The following LRP1B variants were observed in gnomAD, a reference collection of about 807,000 sequenced individuals.
LRP1B encodes low-density lipoprotein receptor-related protein 1B.
Under a neutral mutation model 556.6 loss-of-function variants are expected in LRP1B, and 217 were observed. The observed-to-expected ratio is 0.39, with a 90% CI of 0.35 to 0.44. LRP1B has a LOEUF of 0.44. LRP1B is among the 20% of genes least tolerant of loss of function. The pLI is 1.00. For synonymous variants in LRP1B, 2,047 were observed against 1,865.8 expected, an observed-to-expected ratio of 1.10 and a Z score of -2.50; for missense variants, 5,053 against 5,620.8, an observed-to-expected ratio of 0.90 and a Z score of 3.23.
At chr2:140,519,612 G>A (rs1180723922) in intron 49 of LRP1B, among the ~76,000 whole-genome samples, 2 of 152,040 alleles carry the variant, frequency 1.3e-5, no homozygotes, top group East Asian at 1.9e-4. Flanking sequence ...TAGACAAATG[G>A]GATCTAATAA....
At position 140,252,062 on chromosome 2, in the gene LRP1B, C is replaced by CAAAAAAAAAAAAAAAAAAAA; in HGVS notation, c.13248-4920_13248-4901dup. ...TTGCAGATAGTAGCATGACAAGATG[C>CAAAAAAAAAAAAAAAAAAAA]AAAAAAAAAAAAAAAAAAAAAAAAA... On this transcript the variant is annotated intron_variant, in intron 86 of 90. Transcript: ENST00000389484. Among the ~76,000 whole-genome samples, 29 of 18,550 alleles carry CAAAAAAAAAAAAAAAAAAAA rather than the reference C, an allele frequency of 1.6e-3. 1 individual carries two copies. Among genetic ancestry groups the CAAAAAAAAAAAAAAAAAAAA allele is most frequent in the Admixed American group, 6.3e-3 (6 of 954 alleles). The allele number at this position is 18,550 out of a possible 152,430, so 12.2% of individuals were successfully genotyped here.
chr2:141,283,430 G>T (rs1037914259), intron 3 of LRP1B, among the ~76,000 whole-genome samples: 10 of 151,972 alleles, frequency 6.6e-5, no homozygotes, highest in African/African-American at 1.9e-4. Flanking sequence ...AGGCGGGGGA[G>T]GTGGGGAGGT....
chr2:140,479,002 T>C (rs561702609), intron 59 of LRP1B, among the ~76,000 whole-genome samples: 15 of 152,226 alleles, frequency 9.9e-5, no homozygotes, highest in Non-Finnish European at 2.1e-4. Context: ...CTTGATTTTA[T>C]GTAAGTTATT....
At chr2:141,158,161 AT>A (rs540679187) in intron 7 of LRP1B, among the ~76,000 whole-genome samples, 21 of 152,106 alleles carry the variant, frequency 1.4e-4, no homozygotes, top group East Asian at 1.2e-3. Context: ...ACATTAATAT[AT>A]TTTTTTCTCT....
intron 2 of LRP1B, among the ~76,000 whole-genome samples, chr2:141,677,228 G>A (rs1194231349): frequency 6.6e-6 from 1 of 152,042 alleles, no homozygotes; most frequent in African/African-American, 2.4e-5. Context: ...TCAAAAAATT[G>A]AGCCTGAAAG....
At chr2:141,461,326 G>T (rs1254519405) in intron 3 of LRP1B, among the ~76,000 whole-genome samples, 1 of 152,078 alleles carries the variant, frequency 6.6e-6, no homozygotes, top group African/African-American at 2.4e-5. Flanking sequence ...TTGACCAATG[G>T]TTATACCAAT....
chr2:140,837,113 C>T (rs1691933012), intron 31 of LRP1B, among the ~76,000 whole-genome samples: 1 of 152,048 alleles, frequency 6.6e-6, no homozygotes, highest in Non-Finnish European at 1.5e-5. Context: ...TACATACTAC[C>T]GCTATTACTG....
At chr2:140,316,714 T>C (rs1684533216) in intron 82 of LRP1B, among the ~76,000 whole-genome samples, 2 of 151,480 alleles carry the variant, frequency 1.3e-5, no homozygotes, top group Non-Finnish European at 1.5e-5. Flanking sequence ...CAGGTTTGTA[T>C]GACTAGTAAA....
chr2:140,456,380 T>C lies in LRP1B; in HGVS notation c.9963+75A>G. ...ATCTCTACAATGTATGGAATGATCA[T>C]TCAATGTTATGCTAAACAAAAGAGC... On this transcript the variant is annotated intron_variant, in intron 62 of 90. Coordinates refer to ENST00000389484, the MANE Select transcript of LRP1B (RefSeq NM_018557.3). 4.3e-6 allele frequency: 6 copies of C among 1,402,240 alleles called. No homozygotes were observed. In the South Asian group the frequency reaches 4.5e-5, roughly 10 times the overall value. The allele number at this position is 1,402,240 out of a possible 1,614,324, so 86.9% of individuals were successfully genotyped here. A position where few individuals can be genotyped will look rare whatever the true frequency, so the allele number is the denominator to read the frequency against.
At chr2:141,756,624 T>C (rs1314700905) in intron 2 of LRP1B, among the ~76,000 whole-genome samples, 1 of 150,642 alleles carries the variant, frequency 6.6e-6, no homozygotes, top group South Asian at 2.1e-4. Flanking sequence ...TTGGAAAACA[T>C]AGAGAATGGA....
intron 67 of LRP1B, among the ~76,000 whole-genome samples, chr2:140,381,861 CAAAAAAAAAAA>C (rs56723132): frequency 2.0e-4 from 13 of 64,212 alleles, no homozygotes; most frequent in East Asian, 1.2e-3. Context: ...GGCTCCCTTT[CAAAAAAAAAAA>C]AAAAAAAAAA....
At chr2:141,366,899 A>T (rs1689059921) in intron 3 of LRP1B, among the ~76,000 whole-genome samples, 1 of 152,184 alleles carries the variant, frequency 6.6e-6, no homozygotes, top group Non-Finnish European at 1.5e-5. Flanking sequence ...TACAACACAC[A>T]TTCAGTTCGT....
At chr2:140,238,099 G>A (rs1680790778) in intron 89 of LRP1B, 53 bp downstream of exon 89, 1 of 1,477,696 alleles carries the variant, frequency 6.8e-7, no homozygotes, top group African/African-American at 1.4e-5. Flanking sequence ...ATAAAACAGA[G>A]ATGCGACTCA....
chr2:141,241,349 T>C (rs1459416138), intron 5 of LRP1B, among the ~76,000 whole-genome samples: 1 of 152,110 alleles, frequency 6.6e-6, no homozygotes, highest in Non-Finnish European at 1.5e-5. Context: ...ATAGTGTGAT[T>C]GCAGATAGGG....
At chr2:141,255,830 T>C (rs980044211) in intron 3 of LRP1B, among the ~76,000 whole-genome samples, 1 of 151,842 alleles carries the variant, frequency 6.6e-6, no homozygotes, top group Non-Finnish European at 1.5e-5. Context: ...CAACATCATA[T>C]GTAAAAATCC....
chr2:140,283,274 C>G (rs1009871416), intron 84 of LRP1B, among the ~76,000 whole-genome samples: 1 of 151,568 alleles, frequency 6.6e-6, no homozygotes, highest in East Asian at 1.9e-4. Flanking sequence ...TTTTACACAG[C>G]CTAAGATTTT....
intron 7 of LRP1B, among the ~76,000 whole-genome samples, chr2:141,083,146 T>C (rs910188530): frequency 8.5e-5 from 13 of 152,228 alleles, no homozygotes; most frequent in African/African-American, 3.1e-4. Flanking sequence ...AAACCATTTC[T>C]ATTAATAGCT....
chr2:141,321,240 T>C (rs922002068), intron 3 of LRP1B, among the ~76,000 whole-genome samples: 1 of 152,106 alleles, frequency 6.6e-6, no homozygotes, highest in Admixed American at 6.6e-5. Flanking sequence ...CAGCAATTTT[T>C]AGGTATACTA....
intron 1 of LRP1B, among the ~76,000 whole-genome samples, chr2:141,865,933 T>C (rs1036253554): frequency 2.0e-5 from 3 of 152,220 alleles, no homozygotes; most frequent in African/African-American, 4.8e-5. Flanking sequence ...TAAACGGACT[T>C]AACCAAAATC....
Sources: gnomAD v4.1 joint callset for allele counts (sites outside exome capture counted in the v4.1 genomes callset) on GRCh38, gnomAD v4.1.1 for gene constraint, MANE v1.5 for transcripts, NCBI Gene and HGNC (gene_info 2026-07-23, HGNC 2026-07-21) for gene names.